The following TRMT9B variants were observed in gnomAD, a reference collection of about 807,000 sequenced individuals.
The protein encoded by TRMT9B is tRNA methyltransferase 9B (putative).
Under a neutral mutation model 11.5 loss-of-function variants are expected in TRMT9B, and 16 were observed. The ratio of observed to expected loss-of-function variants is 1.39; its 90% confidence interval spans 0.94 to 2.11. The LOEUF (loss-of-function observed/expected upper bound fraction) is 2.11. TRMT9B is among the 30% of genes most tolerant of loss of function. The pLI, the probability that TRMT9B is intolerant of heterozygous loss-of-function variation, is 0.00. For missense variants in TRMT9B, 941 were observed against 553.8 expected (o/e 1.70, Z -7.02); for synonymous variants, 274 against 192.4 (o/e 1.42, Z -3.51).
At chr8:12,988,271 C>T (rs1806682539) in intron 1 of TRMT9B, among the ~76,000 whole-genome samples, 2 of 152,058 alleles carry the variant, frequency 1.3e-5, no homozygotes, top group African/African-American at 2.4e-5. Flanking sequence ...GTAGCACCGG[C>T]GCACACCCAC....
At chr8:12,955,902 G>A (rs1384772074) in intron 1 of TRMT9B, among the ~76,000 whole-genome samples, 6 of 152,174 alleles carry the variant, frequency 3.9e-5, no homozygotes, top group East Asian at 3.9e-4. Context: ...CCTGGGGGCT[G>A]GGAATCAGAA....
chr8:12,993,254 G>T (rs1402412945), intron 2 of TRMT9B, among the ~76,000 whole-genome samples: 1 of 152,180 alleles, frequency 6.6e-6, no homozygotes, highest in Non-Finnish European at 1.5e-5. Flanking sequence ...TTTCAAGAAG[G>T]AGTGAATATT....
At position 13,025,010 on chromosome 8, in the gene TRMT9B, C is replaced by T. The variant is rs1238956044; in HGVS notation, c.*2966C>T. The T allele has an allele frequency of 6.0e-6, 1 of 167,018 alleles. No homozygotes were observed. Among genetic ancestry groups the T allele is most frequent in the African/African-American group, 2.4e-5 (1 of 41,430 alleles). The allele number at this position is 167,018 out of a possible 1,614,324, so 10.3% of individuals were successfully genotyped here. A position where few individuals can be genotyped will look rare whatever the true frequency, so the allele number is the denominator to read the frequency against. The stretch of plus-strand genomic sequence containing the variant: ...AACACAGGTCATCAGTGAGTATAAA[C>T]GTAGACAGTTGATTTGTGAATGCTG... On this transcript the variant is annotated 3_prime_UTR_variant, in exon 5 of 5. Coordinates refer to ENST00000524591, the MANE Select transcript of TRMT9B (RefSeq NM_020844.3).
At chr8:12,970,968 C>G (rs1218231280) in intron 1 of TRMT9B, among the ~76,000 whole-genome samples, 1 of 152,106 alleles carries the variant, frequency 6.6e-6, no homozygotes, top group African/African-American at 2.4e-5. Flanking sequence ...TAGAAAGTAT[C>G]TGTATTTCTT....
At chr8:12,949,229 T>G (rs1023177696) in intron 1 of TRMT9B, among the ~76,000 whole-genome samples, 1 of 152,128 alleles carries the variant, frequency 6.6e-6, no homozygotes, top group Non-Finnish European at 1.5e-5. Flanking sequence ...GGATTGGTTA[T>G]GACTACCGAG....
chr8:13,012,201 G>C (rs969495757), intron 3 of TRMT9B: 1 of 984,884 alleles, frequency 1.0e-6, no homozygotes, highest in Non-Finnish European at 1.2e-6. Flanking sequence ...ATGAGAATCT[G>C]TAAGTATTCG....
chr8:13,007,787 C>T (rs986486236), intron 3 of TRMT9B: 19 of 152,128 alleles, frequency 1.2e-4, no homozygotes, highest in African/African-American at 4.6e-4. Context: ...CATATATAAT[C>T]AGAGAGTTAC....
At chr8:13,019,620 C>A (rs1813429296) in intron 4 of TRMT9B, among the ~76,000 whole-genome samples, 1 of 152,124 alleles carries the variant, frequency 6.6e-6, no homozygotes. Flanking sequence ...CCCTTAGTAA[C>A]CGTGGATAAA....
chr8:12,952,269 G>T (rs1287444719), intron 1 of TRMT9B: 3 of 405,114 alleles, frequency 7.4e-6, no homozygotes, highest in Non-Finnish European at 1.5e-5. Context: ...CCCTAGATCC[G>T]CTGCCTCGGC....
At chr8:13,014,119 G>A (rs758102410) in intron 4 of TRMT9B, among the ~76,000 whole-genome samples, 9 of 152,122 alleles carry the variant, frequency 5.9e-5, no homozygotes, top group Admixed American at 1.3e-4. Context: ...CTATTTCTTC[G>A]TATGCTGAGG....
In TRMT9B at chr8:13,026,096, G is replaced by A; in HGVS notation, c.*4052G>A. ...GTGGGGGAGGGCACAGGTTAAATAT[G>A]AGCTGTGAGCCCCCAGTTTTGGAGG... On this transcript the variant is annotated 3_prime_UTR_variant, in exon 5 of 5. Transcript: ENST00000524591. The A allele has an allele frequency of 6.0e-6, 1 of 167,120 alleles. No individual in the cohort carries two copies. 10.4% of individuals were successfully genotyped at this position (167,120 alleles called of 1,614,324 possible).
intron 4 of TRMT9B, among the ~76,000 whole-genome samples, chr8:13,016,006 G>T (rs1470940692): frequency 2.0e-5 from 3 of 151,172 alleles, no homozygotes; most frequent in Non-Finnish European, 4.4e-5. Context: ...GCTACTTTGG[G>T]AGGCTGGGGT....
intron 2 of TRMT9B, among the ~76,000 whole-genome samples, chr8:12,997,081 C>A (rs1173935730): frequency 6.6e-6 from 1 of 151,482 alleles, no homozygotes. Flanking sequence ...AGTGTGTATT[C>A]TTTTGTGGAC....
At chr8:12,964,003 T>A (rs1367914386) in intron 1 of TRMT9B, among the ~76,000 whole-genome samples, 2 of 152,216 alleles carry the variant, frequency 1.3e-5, no homozygotes, top group Non-Finnish European at 2.9e-5. Context: ...TTTGGTTTTG[T>A]AAACCATTCA....
chr8:12,959,642 C>T (rs1033910121), intron 1 of TRMT9B, among the ~76,000 whole-genome samples: 2 of 150,970 alleles, frequency 1.3e-5, no homozygotes, highest in African/African-American at 4.9e-5. Context: ...GCCTCAGCCG[C>T]CCAAGTAGCC....
At chr8:12,953,398 G>A (rs1382236459) in intron 1 of TRMT9B, among the ~76,000 whole-genome samples, 1 of 152,134 alleles carries the variant, frequency 6.6e-6, no homozygotes, top group Non-Finnish European at 1.5e-5. Flanking sequence ...CGCCTAGGCT[G>A]GGGTGCAGTG....
intron 1 of TRMT9B, among the ~76,000 whole-genome samples, chr8:12,977,745 T>C (rs911568074): frequency 6.6e-6 from 1 of 151,534 alleles, no homozygotes; most frequent in Admixed American, 6.6e-5. Flanking sequence ...CTGGGTGCAG[T>C]GGCTCATGTC....
intron 1 of TRMT9B, among the ~76,000 whole-genome samples, chr8:12,963,215 T>C (rs533918234): frequency 1.3e-5 from 2 of 152,244 alleles, no homozygotes; most frequent in East Asian, 3.9e-4. Flanking sequence ...GGGCGATTCA[T>C]GAGGTCAGGA....
At chr8:12,951,822 T>A (rs1800657332) in intron 1 of TRMT9B, 1 of 151,458 alleles carries the variant, frequency 6.6e-6, no homozygotes, top group African/African-American at 2.4e-5. Context: ...GGCGCCGGAG[T>A]AGGGCGGGCC....
Sources: allele counts gnomAD v4.1 joint callset (sites outside exome capture counted in the v4.1 genomes callset), GRCh38; gene constraint gnomAD v4.1.1; transcripts MANE v1.5; gene names NCBI Gene and HGNC (gene_info 2026-07-23, HGNC 2026-07-21).